ZC2HC1B: variants seen among roughly 807,000 people sequenced by gnomAD.
ZC2HC1B encodes the protein zinc finger C2HC domain-containing protein 1B.
In ZC2HC1B, 36 loss-of-function variants were observed where a neutral mutation model predicts 31.0. The observed-to-expected ratio is 1.16, with a 90% CI of 0.89 to 1.54. ZC2HC1B has a LOEUF of 1.54. ZC2HC1B is among the 40% of genes most tolerant of loss of function. The pLI, the probability that ZC2HC1B is intolerant of heterozygous loss-of-function variation, is 0.00. For synonymous variants in ZC2HC1B, 73 were observed against 88.0 expected, an observed-to-expected ratio of 0.83 and a Z score of 0.95; for missense variants, 260 against 268.6, an observed-to-expected ratio of 0.97 and a Z score of 0.22.
Position 143,868,912 on chromosome 6 carries a change from A to G in ZC2HC1B, c.28+4345A>G, listed in dbSNP as rs772347202. On this transcript the variant is annotated intron_variant, in intron 1 of 7. Coordinates refer to ENST00000237275, the MANE Select transcript of ZC2HC1B (RefSeq NM_001013623.3). The surrounding 1 kb of genome is among the most constrained non-coding windows in gnomAD (Gnocchi z 4.2). ...AGGAAAAAGTAAATAAAATGAAGAT[A>G]TCTTCTTAGTACACGTGTGTACATG... Among the ~76,000 whole-genome samples, 1 of 152,240 alleles carries G rather than the reference A, an allele frequency of 6.6e-6. No homozygotes were observed. The highest frequency in any genetic ancestry group is 1.5e-5 in the Non-Finnish European group (1 of 68,032).
At chr6:143,916,490 C>A (rs547668872) in intron 6 of ZC2HC1B, among the ~76,000 whole-genome samples, 1 of 152,200 alleles carries the variant, frequency 6.6e-6, no homozygotes, top group Non-Finnish European at 1.5e-5. Context: ...TCCTCCAGAC[C>A]CCACAATGGT....
intron 6 of ZC2HC1B, among the ~76,000 whole-genome samples, chr6:143,906,407 A>G (rs1777795186): frequency 6.6e-6 from 1 of 151,734 alleles, no homozygotes; most frequent in Non-Finnish European, 1.5e-5. Context: ...GATTTGAGTA[A>G]TTTGAGTGTT....
At position 143,884,860 on chromosome 6, in the gene ZC2HC1B, A is replaced by C. The variant is rs1469883856; in HGVS notation, c.90+495A>C. Among the ~76,000 whole-genome samples the C allele has an allele frequency of 6.6e-6, 1 of 152,200 alleles. No homozygotes were observed. The highest frequency in any genetic ancestry group is 2.4e-5 in the African/African-American group (1 of 41,454). ...TTGAGGGTTTTTATACCATTTGAAC[A>C]AAATGATACATGGATGTAAGTCCTG... On this transcript the variant is annotated intron_variant, in intron 2 of 7. Transcript: ENST00000237275. The surrounding 1 kb of genome is among the most constrained non-coding windows in gnomAD (Gnocchi z 5.1).
chr6:143,906,285 A>G (rs866524230), intron 6 of ZC2HC1B, among the ~76,000 whole-genome samples: 1 of 152,080 alleles, frequency 6.6e-6, no homozygotes, highest in African/African-American at 2.4e-5. Context: ...TTAGGAATTC[A>G]TCCATTTCAT....
rs759896830 is a variant in ZC2HC1B, at chr6:143,935,646, C to CTTTTTTTTTTTTT, written c.599-1987_599-1975dup. Among the ~76,000 whole-genome samples the CTTTTTTTTTTTTT allele has an allele frequency of 1.4e-4, 8 of 55,858 alleles. 2 individuals are homozygous for CTTTTTTTTTTTTT. Among genetic ancestry groups the CTTTTTTTTTTTTT allele is most frequent in the East Asian group, 4.8e-4 (1 of 2,094 alleles). The allele number at this position is 55,858 out of a possible 152,430, so 36.6% of individuals were successfully genotyped here. A position where few individuals can be genotyped will look rare whatever the true frequency, so the allele number is the denominator to read the frequency against. On this transcript the variant is annotated intron_variant, in intron 6 of 7. Transcript: ENST00000237275. ...GTAGTTTAGGCCACTTGGTATCACT[C>CTTTTTTTTTTTTT]TTTTTTTTTTTTTTTTTTTTTTTTT... is the stretch of plus-strand genomic sequence containing the variant.
At position 143,903,070 on chromosome 6, in the gene ZC2HC1B, A is replaced by G. The variant is rs773360213; in HGVS notation, c.516A>G (p.Lys172=). The G allele has an allele frequency of 2.5e-5, 39 of 1,551,716 alleles. No individual in the cohort carries two copies. The highest frequency in any genetic ancestry group is 3.2e-5 in the Non-Finnish European group (37 of 1,147,014). Residue 172 remains lysine, a synonymous_variant, in exon 6 of 8, where the codon AAA becomes AAG. Transcript: ENST00000237275. This position sits in a 1 kb window ranked among gnomAD's most constrained non-coding sequence, Gnocchi z 4.3. ...GTAGGGCTCAGATGGGTCCAAAAAA[A>G]GAACCAACTGTTACCAGTGCTGTGG... ...AQGRAQMGPK[K]EPTVTSAVGA...
intron 6 of ZC2HC1B, among the ~76,000 whole-genome samples, chr6:143,906,014 A>G (rs954794793): frequency 2.0e-5 from 3 of 152,146 alleles, no homozygotes; most frequent in East Asian, 1.9e-4. Flanking sequence ...TTCTTATAGC[A>G]TCTTTGAAGT....
At position 143,886,869 on chromosome 6, in the gene ZC2HC1B, C is replaced by G. The variant is rs776930005; in HGVS notation, c.349+48C>G. 1 of 1,439,926 alleles carries G rather than the reference C, an allele frequency of 6.9e-7. No individual in the cohort carries two copies. The highest frequency in any genetic ancestry group is 9.1e-7 in the Non-Finnish European group (1 of 1,093,114). 89.2% of individuals were successfully genotyped at this position (1,439,926 alleles called of 1,614,324 possible). On this transcript the variant is annotated intron_variant, in intron 4 of 7. Transcript: ENST00000237275. This position sits in a 1 kb window ranked among gnomAD's most constrained non-coding sequence, Gnocchi z 4.2. ...TTTTGAGGCTATGCTTGACTTTTGACCAAATCATCATGCCCTCTATGCACT... is the reference window on the plus strand; with the variant it reads ...TTTTGAGGCTATGCTTGACTTTTGAGCAAATCATCATGCCCTCTATGCACT...
intron 4 of ZC2HC1B, among the ~76,000 whole-genome samples, chr6:143,889,182 CT>C (rs141033777): frequency 0.02 from 3,056 of 151,890 alleles, 119 homozygotes; most frequent in African/African-American, 0.071. Context: ...GTAAAGATAC[CT>C]ATTGTAAACT....
rs1437046172 is a variant in ZC2HC1B at position 143,869,286 on chromosome 6, A to G, written c.28+4719A>G. ...TTCCTTACCTCTGTTGTGGAGTAGT[A>G]GAGCATACACGATCTTCTGGAGAAC... On this transcript the variant is annotated intron_variant, in intron 1 of 7. Coordinates refer to ENST00000237275, the MANE Select transcript of ZC2HC1B (RefSeq NM_001013623.3). The surrounding 1 kb of genome is among the most constrained non-coding windows in gnomAD (Gnocchi z 5.2). Among the ~76,000 whole-genome samples, 2 of 152,206 alleles carry G rather than the reference A, an allele frequency of 1.3e-5. No homozygotes were observed. The highest frequency in any genetic ancestry group is 2.4e-5 in the African/African-American group (1 of 41,446).
intron 7 of ZC2HC1B, 72 bp downstream of exon 7, chr6:143,937,805 A>G (rs1778196137): frequency 8.6e-7 from 1 of 1,167,842 alleles, no homozygotes. Flanking sequence ...ATGGATGCAT[A>G]GTAAGCAAAC....
chr6:143,875,991 C>T (rs1179971260), intron 1 of ZC2HC1B, among the ~76,000 whole-genome samples: 1 of 150,750 alleles, frequency 6.6e-6, no homozygotes, highest in Non-Finnish European at 1.5e-5. Context: ...CATATGTCCC[C>T]ATTCAAAGTT....
rs889258455 is a variant in ZC2HC1B at position 143,905,670 on chromosome 6, A to C, written c.598+2518A>C. Among the ~76,000 whole-genome samples, 4 of 152,110 alleles carry C rather than the reference A, an allele frequency of 2.6e-5. No individual in the cohort carries two copies. Among genetic ancestry groups the C allele is most frequent in the African/African-American group, 7.2e-5 (3 of 41,432 alleles). Reference sequence around the variant, plus strand: ...GAAAGTTTTCAGTCTTTCAGCATTGAGTATGGTGATCTCTGTGGGTTTTAC... The same window carrying C: ...GAAAGTTTTCAGTCTTTCAGCATTGCGTATGGTGATCTCTGTGGGTTTTAC... On this transcript the variant is annotated intron_variant, in intron 6 of 7. Coordinates refer to ENST00000237275, the MANE Select transcript of ZC2HC1B (RefSeq NM_001013623.3). This position sits in a 1 kb window ranked among gnomAD's most constrained non-coding sequence, Gnocchi z 4.2.
chr6:143,910,215 T>C (rs1777842012), intron 6 of ZC2HC1B, among the ~76,000 whole-genome samples: 2 of 152,300 alleles, frequency 1.3e-5, no homozygotes, highest in African/African-American at 2.4e-5. Flanking sequence ...CATGTAGTGA[T>C]GTGGTTTTGA....
rs1433095500 is a variant in ZC2HC1B, at chr6:143,908,722, A to G, written c.598+5570A>G. ...AGATATAGGATCCTGTCATCTGCAA[A>G]CAAAGATAGTTTGACTTCCTCTCTT... On this transcript the variant is annotated intron_variant, in intron 6 of 7. Transcript: ENST00000237275. This position sits in a 1 kb window ranked among gnomAD's most constrained non-coding sequence, Gnocchi z 4.4. Among the ~76,000 whole-genome samples the G allele has an allele frequency of 1.3e-5, 2 of 152,210 alleles. No individual in the cohort carries two copies. Among genetic ancestry groups the G allele is most frequent in the South Asian group, 4.1e-4 (2 of 4,836 alleles).
At position 143,903,212 on chromosome 6, in the gene ZC2HC1B, G is replaced by A; in HGVS notation, c.598+60G>A. ...TGGGGGTCAGAGGAGATCACTGTTGGGTTTGGGATTCACTGGTAGTCTGCA... is the reference window on the plus strand; with the variant it reads ...TGGGGGTCAGAGGAGATCACTGTTGAGTTTGGGATTCACTGGTAGTCTGCA... On this transcript the variant is annotated intron_variant, in intron 6 of 7. Transcript: ENST00000237275. The surrounding 1 kb of genome is among the most constrained non-coding windows in gnomAD (Gnocchi z 4.3). 1.4e-6 allele frequency: 2 copies of A among 1,449,540 alleles called. No individual in the cohort carries two copies. The highest frequency in any genetic ancestry group is 1.9e-6 in the Non-Finnish European group (2 of 1,054,660). The allele number at this position is 1,449,540 out of a possible 1,614,324, so 89.8% of individuals were successfully genotyped here. A position where few individuals can be genotyped will look rare whatever the true frequency, so the allele number is the denominator to read the frequency against.
At chr6:143,897,279 G>A (rs1287958573) in intron 4 of ZC2HC1B, among the ~76,000 whole-genome samples, 3 of 150,202 alleles carry the variant, frequency 2.0e-5, no homozygotes, top group Admixed American at 6.7e-5. Context: ...GGGTCGGGGC[G>A]GTGGGATTAT....
intron 1 of ZC2HC1B, among the ~76,000 whole-genome samples, chr6:143,878,392 C>G (rs769572957): frequency 6.7e-6 from 1 of 150,362 alleles, no homozygotes. Flanking sequence ...GTGGGAGGAT[C>G]GCTTGAATCC....
intron 6 of ZC2HC1B, among the ~76,000 whole-genome samples, chr6:143,931,648 A>G (rs765628204): frequency 6.6e-6 from 1 of 152,180 alleles, no homozygotes; most frequent in Non-Finnish European, 1.5e-5. Context: ...GAGGCAAAAG[A>G]TAATACCCCA....
Sources: gnomAD v4.1 joint callset for allele counts (sites outside exome capture counted in the v4.1 genomes callset) on GRCh38, gnomAD v4.1.1 for gene constraint, Gnocchi (gnomAD v3.1) non-coding constraint, MANE v1.5 for transcripts, NCBI Gene and HGNC (gene_info 2026-07-23, HGNC 2026-07-21) for gene names.